ADPGK: variants seen among roughly 807,000 people sequenced by gnomAD.
ADPGK encodes the protein ADP-dependent glucokinase.
Under a neutral mutation model 42.4 loss-of-function variants are expected in ADPGK, and 26 were observed. The observed-to-expected ratio is 0.61, with a 90% CI of 0.45 to 0.85. The LOEUF (loss-of-function observed/expected upper bound fraction) is 0.85, where lower values mean the gene tolerates loss of function less well. Among genes scored for constraint, ADPGK ranks in the 40% least tolerant of loss-of-function variants. The probability of loss-of-function intolerance (pLI) is 0.00; values close to 1 mark genes in which losing one functional copy is unlikely to be tolerated. For missense variants in ADPGK, 571 were observed against 627.0 expected (o/e 0.91, Z 0.95); for synonymous variants, 267 against 252.6 (o/e 1.06, Z -0.54).
At chr15:72,760,604 T>A in intron 3 of ADPGK, 77 bp from the exon 4 acceptor site, 1 of 1,457,796 alleles carries the variant, frequency 6.9e-7, no homozygotes, top group Non-Finnish European at 9.1e-7. Context: ...CCCAGGACAG[T>A]ACATTCAGGC....
intron 6 of ADPGK, among the ~76,000 whole-genome samples, chr15:72,754,810 T>C (rs1456311411): frequency 6.6e-6 from 1 of 152,176 alleles, no homozygotes; most frequent in Non-Finnish European, 1.5e-5. Flanking sequence ...GAGTATTCAG[T>C]AGGCTATGCT....
At chr15:72,756,567 G>T in intron 4 of ADPGK, 120 bp from the exon 5 acceptor site, 1 of 1,075,006 alleles carries the variant, frequency 9.3e-7, no homozygotes, top group Non-Finnish European at 1.3e-6. Context: ...GTTTCTGGCT[G>T]AGGAGACCCC....
Position 72,783,724 on chromosome 15 carries a change from C to A in ADPGK, c.-33G>T. ...CAGGCGCCGCACCTGCGCGAACCAACTCCTTTCCTAGCCCGCGCCTCTTCC... is the reference window on the plus strand; with the variant it reads ...CAGGCGCCGCACCTGCGCGAACCAAATCCTTTCCTAGCCCGCGCCTCTTCC... On this transcript the variant is annotated 5_prime_UTR_variant, in exon 1 of 7. Coordinates refer to ENST00000456471, the MANE Select transcript of ADPGK (RefSeq NM_001365225.1). 1 of 1,428,514 alleles carries A rather than the reference C, an allele frequency of 7.0e-7. No homozygotes were observed. Among genetic ancestry groups the A allele is most frequent in the Non-Finnish European group, 9.1e-7 (1 of 1,096,190 alleles). 88.5% of individuals were successfully genotyped at this position (1,428,514 alleles called of 1,614,324 possible).
intron 1 of ADPGK, among the ~76,000 whole-genome samples, chr15:72,777,832 G>A (rs1481915224): frequency 6.6e-6 from 1 of 152,070 alleles, no homozygotes; most frequent in African/African-American, 2.4e-5. Flanking sequence ...AACTAATTTT[G>A]AGTTACAAAA....
chr15:72,773,861 AAAAAACT>A (rs1304623266), intron 2 of ADPGK, among the ~76,000 whole-genome samples: 2 of 152,212 alleles, frequency 1.3e-5, no homozygotes, highest in African/African-American at 4.8e-5. Context: ...CTTCGAAGAC[AAAAAACT>A]TATTTTTAAA....
At chr15:72,753,671 C>T (rs1595786256) in intron 6 of ADPGK, among the ~76,000 whole-genome samples, 1 of 152,340 alleles carries the variant, frequency 6.6e-6, no homozygotes, top group East Asian at 1.9e-4. Context: ...CTTTCCTTCA[C>T]TGCATGTTCT....
At chr15:72,773,300 G>A (rs1448308921) in intron 2 of ADPGK, among the ~76,000 whole-genome samples, 1 of 152,154 alleles carries the variant, frequency 6.6e-6, no homozygotes, top group Non-Finnish European at 1.5e-5. Flanking sequence ...ATTCAGGTGG[G>A]ACAGTAATAG....
rs761422110 is a variant in ADPGK at position 72,774,898 on chromosome 15, C to T, written c.433G>A (p.Val145Ile). 1 of 1,613,658 alleles carries T rather than the reference C, an allele frequency of 6.2e-7. No individual in the cohort carries two copies. Among genetic ancestry groups the T allele is most frequent in the East Asian group, 2.2e-5 (1 of 44,866 alleles). The change falls in exon 2 of 7, where the codon GTT becomes ATT. Residue 145 changes from valine to isoleucine, a missense_variant. Physicochemically the swap from Val to Ile is conservative, Grantham distance 29. Coordinates refer to ENST00000456471, the MANE Select transcript of ADPGK (RefSeq NM_001365225.1). ...DKETFHDIAQVASEFPGAQHY... is the reference protein window; with the variant it reads ...DKETFHDIAQIASEFPGAQHY... ...TGGGCTCCTGGGAACTCTGATGCAA[C>T]CTGGGCAATGTCGTGAAAAGTTTCC...
At chr15:72,771,025 C>T (rs1302598385) in intron 3 of ADPGK, among the ~76,000 whole-genome samples, 1 of 152,218 alleles carries the variant, frequency 6.6e-6, no homozygotes, top group Admixed American at 6.5e-5. Context: ...TAAATCTCTT[C>T]TTTGTTCCCC....
At chr15:72,781,345 C>G (rs2066455999) in intron 1 of ADPGK, among the ~76,000 whole-genome samples, 1 of 152,178 alleles carries the variant, frequency 6.6e-6, no homozygotes, top group African/African-American at 2.4e-5. Context: ...TCGTTCTCAG[C>G]ATCATCTCTT....
At position 72,756,287 on chromosome 15, in the gene ADPGK, T is replaced by C; in HGVS notation, c.804A>G (p.Gly268=). The part of the protein sequence containing the change: ...VVLSGLHMME[G]QSKELQRKRL... The stretch of plus-strand genomic sequence containing the variant: ...TCTTCCTCTGGAGCTCCTTGCTTTG[T>C]CCCTCCATCATGTGCAATCCAGAGA... Residue 268 remains glycine (G), a synonymous_variant, in exon 5 of 7, where the codon GGA becomes GGG. Transcript: ENST00000456471. The C allele has an allele frequency of 6.2e-7, 1 of 1,614,210 alleles. No homozygotes were observed. Among genetic ancestry groups the C allele is most frequent in the Non-Finnish European group, 8.5e-7 (1 of 1,180,046 alleles).
chr15:72,752,851 C>T lies in ADPGK; in HGVS notation c.984G>A (p.Glu328=). ...AVTSLGLNEQ[E]LLFLTQSASG... is the part of the protein sequence containing the mutation. ...AGGCTGACTGGGTGAGAAATAACAGCTCCTGTTCATTCAGCCCAAGGGAAG... is the reference window on the plus strand; with the variant it reads ...AGGCTGACTGGGTGAGAAATAACAGTTCCTGTTCATTCAGCCCAAGGGAAG... Residue 328 remains glutamate (E), a synonymous_variant, in exon 7 of 7, where the codon GAG becomes GAA. Coordinates refer to ENST00000456471, the MANE Select transcript of ADPGK (RefSeq NM_001365225.1). The T allele has an allele frequency of 6.2e-7, 1 of 1,614,180 alleles. No homozygotes were observed.
intron 3 of ADPGK, among the ~76,000 whole-genome samples, chr15:72,763,650 C>A (rs2066223048): frequency 1.3e-5 from 2 of 152,122 alleles, no homozygotes; most frequent in Admixed American, 1.3e-4. Flanking sequence ...TCAAATATCT[C>A]ATAATAATAG....
chr15:72,782,527 CAA>C lies in ADPGK; in HGVS notation c.233+930_233+931del, dbSNP rs5813692. On this transcript the variant is annotated intron_variant, in intron 1 of 6. Transcript: ENST00000456471. ...GCGACAGAGAGAGAGACCCTGTGTCCAAAAAAAAAAAAAAAAAAAAACCCCAA... is the reference window on the plus strand; with the variant it reads ...GCGACAGAGAGAGAGACCCTGTGTCCAAAAAAAAAAAAAAAAAAACCCCAA... Among the ~76,000 whole-genome samples, 50 of 61,282 alleles carry C rather than the reference CAA, an allele frequency of 8.2e-4. No individual in the cohort carries two copies. In the South Asian group the frequency reaches 0.012, roughly 14 times the overall value. The allele number at this position is 61,282 out of a possible 152,430, so 40.2% of individuals were successfully genotyped here.
intron 3 of ADPGK, among the ~76,000 whole-genome samples, chr15:72,766,072 CA>C (rs968447278): frequency 2.2e-4 from 33 of 152,292 alleles, no homozygotes; most frequent in Admixed American, 1.8e-3. Flanking sequence ...ACAGTAGCCT[CA>C]AACTCCTAGG....
intron 4 of ADPGK, chr15:72,757,781 A>G (rs1440021114): frequency 7.5e-6 from 2 of 266,206 alleles, no homozygotes; most frequent in Non-Finnish European, 1.4e-5. Context: ...GACATTCTCC[A>G]GAGAGCAAGA....
intron 4 of ADPGK, chr15:72,757,201 C>CTTTTTTTTT (rs34450649): frequency 1.6e-5 from 2 of 123,402 alleles, no homozygotes; most frequent in Non-Finnish European, 1.7e-5. Context: ...TTCTTTTTTC[C>CTTTTTTTTT]TTTTTTTTTT....
intron 6 of ADPGK, among the ~76,000 whole-genome samples, chr15:72,753,506 C>G (rs1293656737): frequency 6.6e-6 from 1 of 152,228 alleles, no homozygotes; most frequent in East Asian, 1.9e-4. Context: ...ATCCACCTCC[C>G]TGTCTTTCTT....
intron 2 of ADPGK, 106 bp downstream of exon 2, chr15:72,774,766 C>T (rs1019233289): frequency 1.3e-5 from 13 of 999,022 alleles, no homozygotes; most frequent in African/African-American, 1.6e-5. Context: ...GATTTTGCTC[C>T]CCTCCTCTTC....
Sources: allele counts gnomAD v4.1 joint callset (sites outside exome capture counted in the v4.1 genomes callset), GRCh38; gene constraint gnomAD v4.1.1; transcripts MANE v1.5; gene names NCBI Gene and HGNC (gene_info 2026-07-23, HGNC 2026-07-21).